The following DACH2 variants were observed in gnomAD, a reference collection of about 807,000 sequenced individuals.
The protein encoded by DACH2 is dachshund homolog 2.
Under a neutral mutation model 35.8 loss-of-function variants are expected in DACH2, and 17 were observed. That is an observed-to-expected ratio of 0.48 (90% CI 0.33 to 0.71). The LOEUF is 0.71. Among genes scored for constraint, DACH2 ranks in the 30% least tolerant of loss-of-function variants. DACH2 has a pLI of 0.02. For missense variants in DACH2, 469 were observed against 472.7 expected, an observed-to-expected ratio of 0.99 and a Z score of 0.07; for synonymous variants, 195 against 177.3, an observed-to-expected ratio of 1.10 and a Z score of -0.79.
chrX:86,301,472 C>A (rs1388818690), intron 1 of DACH2, among the ~76,000 whole-genome samples: 1 of 111,677 alleles, frequency 9.0e-6, no homozygotes, highest in Non-Finnish European at 1.9e-5. Context: ...CAATGATAGT[C>A]TTAACTACCT....
intron 11 of DACH2, chrX:86,829,482 T>C (rs1475918491): frequency 8.9e-6 from 1 of 112,536 alleles, no homozygotes; most frequent in Non-Finnish European, 1.9e-5. Flanking sequence ...TCCTCATGTG[T>C]ATTTTTTTCT....
At chrX:86,606,866 C>A (rs1209987913) in intron 3 of DACH2, among the ~76,000 whole-genome samples, 1 of 111,313 alleles carries the variant, frequency 9.0e-6, no homozygotes, top group East Asian at 2.8e-4. Context: ...CTTTTCACAC[C>A]TGGGTGTTCT....
At chrX:86,516,445 G>A (rs2038468556) in intron 3 of DACH2, among the ~76,000 whole-genome samples, 1 of 111,310 alleles carries the variant, frequency 9.0e-6, no homozygotes, top group South Asian at 3.8e-4. Flanking sequence ...TGTACTAGCC[G>A]TGGGTGCCAA....
At chrX:86,541,300 A>G (rs2038877542) in intron 3 of DACH2, among the ~76,000 whole-genome samples, 1 of 111,438 alleles carries the variant, frequency 9.0e-6, no homozygotes, top group African/African-American at 3.3e-5. Context: ...CCAGAAAATA[A>G]TAATTGCTTT....
intron 7 of DACH2, among the ~76,000 whole-genome samples, chrX:86,755,945 C>T (rs2041824745): frequency 1.8e-5 from 2 of 110,487 alleles, no homozygotes; most frequent in Non-Finnish European, 3.8e-5. Flanking sequence ...GTTCCTTTCT[C>T]CTTCATAAGG....
chrX:86,407,721 G>A (rs2036547806), intron 2 of DACH2, among the ~76,000 whole-genome samples: 1 of 111,813 alleles, frequency 8.9e-6, no homozygotes. Flanking sequence ...AAAAGCATGG[G>A]GGTTACATGT....
At chrX:86,761,846 C>T (rs1217459684) in intron 7 of DACH2, among the ~76,000 whole-genome samples, 3 of 102,903 alleles carry the variant, frequency 2.9e-5, no homozygotes, top group Non-Finnish European at 5.9e-5. Flanking sequence ...TCCAGTGTGG[C>T]ATACACTGGC....
At chrX:86,802,794 T>G (rs1362598687) in intron 7 of DACH2, among the ~76,000 whole-genome samples, 1 of 110,775 alleles carries the variant, frequency 9.0e-6, no homozygotes, top group African/African-American at 3.3e-5. Context: ...TGAGCCGGAG[T>G]GACAAAACAT....
chrX:86,823,635 G>T (rs780655900), intron 11 of DACH2, among the ~76,000 whole-genome samples: 1 of 111,511 alleles, frequency 9.0e-6, no homozygotes, highest in Non-Finnish European at 1.9e-5. Context: ...AGGGGAACCC[G>T]CCCCCAATAT....
Position 86,461,264 on chromosome X carries a change from T to C in DACH2, c.528-53015T>C, listed in dbSNP as rs1439867870. Among the ~76,000 whole-genome samples the C allele has an allele frequency of 2.3e-4, 26 of 111,615 alleles. No individual in the cohort carries two copies. In the Admixed American group the frequency reaches 2.5e-3, roughly 11 times the overall value. On this transcript the variant is annotated intron_variant, in intron 2 of 11. Transcript: ENST00000373125. ...TCAAGTGTTTGAGAGAAGCGCTTGT[T>C]AGCATATATTGATTAAGAAATCATA...
At chrX:86,495,596 G>T (rs1422540005) in intron 2 of DACH2, among the ~76,000 whole-genome samples, 1 of 109,819 alleles carries the variant, frequency 9.1e-6, no homozygotes, top group Non-Finnish European at 1.9e-5. Flanking sequence ...GATCACTCGG[G>T]GCCAGTAGTT....
intron 3 of DACH2, among the ~76,000 whole-genome samples, chrX:86,573,447 T>C (rs779889469): frequency 9.0e-6 from 1 of 111,507 alleles, no homozygotes; most frequent in African/African-American, 3.3e-5. Context: ...CAAAAATAAA[T>C]GATGTGAAGA....
In DACH2 at chrX:86,626,220, G is replaced by A. The variant is rs769110327; in HGVS notation, c.641-24816G>A. On this transcript the variant is annotated intron_variant, in intron 3 of 11. Coordinates refer to ENST00000373125, the MANE Select transcript of DACH2 (RefSeq NM_053281.3). ...GAGGCTACAAGCCTTTTGCAAGTCT[G>A]AAATCCAGCAGGGCAATCAAATCTT... Among the ~76,000 whole-genome samples, 11 of 112,664 alleles carry A rather than the reference G, an allele frequency of 9.8e-5. No homozygotes were observed. The South Asian group carries it at 4.0e-3, about 41-fold the overall frequency.
At chrX:86,557,387 C>A (rs958220352) in intron 3 of DACH2, among the ~76,000 whole-genome samples, 14 of 109,472 alleles carry the variant, frequency 1.3e-4, no homozygotes, top group Non-Finnish European at 2.3e-4. Flanking sequence ...ATGCCTCCAG[C>A]TTTGTTCTTT....
intron 1 of DACH2, among the ~76,000 whole-genome samples, chrX:86,223,402 A>G (rs1343716828): frequency 9.0e-6 from 1 of 111,475 alleles, no homozygotes; most frequent in African/African-American, 3.3e-5. Context: ...TTTAAATTTT[A>G]GCATTATTCC....
At chrX:86,702,928 A>G (rs1176139407) in intron 5 of DACH2, among the ~76,000 whole-genome samples, 2 of 111,397 alleles carry the variant, frequency 1.8e-5, no homozygotes, top group African/African-American at 6.5e-5. Context: ...TGAAGCCAGT[A>G]TCACCTTGTT....
chrX:86,149,010 C>G lies in DACH2; in HGVS notation c.390C>G (p.Ile130Met). The G allele has an allele frequency of 8.3e-7, 1 of 1,210,858 alleles. No homozygotes were observed. Among genetic ancestry groups the G allele is most frequent in the Non-Finnish European group, 1.1e-6 (1 of 895,014 alleles). ...TGTGTACTGTTGAGCAGGTCCGGATCCTCCGCGGGCTGGGGGCCATCCAGC... is the reference window on the plus strand; with the variant it reads ...TGTGTACTGTTGAGCAGGTCCGGATGCTCCGCGGGCTGGGGGCCATCCAGC... ...PVVCTVEQVR[I>M]LRGLGAIQPG... Residue 130 changes from isoleucine to methionine, a missense_variant, in exon 1 of 12, where the codon ATC (isoleucine) becomes ATG (methionine). Physicochemically the swap from Ile to Met is conservative, Grantham distance 10 (BLOSUM62 1). Coordinates refer to ENST00000373125, the MANE Select transcript of DACH2 (RefSeq NM_053281.3).
intron 2 of DACH2, among the ~76,000 whole-genome samples, chrX:86,398,902 C>A (rs2036359738): frequency 9.0e-6 from 1 of 111,582 alleles, no homozygotes; most frequent in East Asian, 2.8e-4. Context: ...CTATTAGGTC[C>A]ACTTGGTGCA....
chrX:86,661,684 C>A (rs2040606681), intron 4 of DACH2, among the ~76,000 whole-genome samples: 1 of 112,269 alleles, frequency 8.9e-6, no homozygotes, highest in Non-Finnish European at 1.9e-5. Context: ...GGTTTCATTT[C>A]TCTGGGATAT....
Sources: allele counts gnomAD v4.1 joint callset (sites outside exome capture counted in the v4.1 genomes callset), GRCh38; gene constraint gnomAD v4.1.1; transcripts MANE v1.5; gene names NCBI Gene and HGNC (gene_info 2026-07-23, HGNC 2026-07-21).